Variants in SERHL2 observed in about 807,000 individuals in gnomAD.
SERHL2 encodes the protein serine hydrolase like 2.
A neutral mutation model predicts 25.5 loss-of-function variants in SERHL2; 29 were observed. The observed-to-expected ratio is 1.14, with a 90% CI of 0.85 to 1.55. The LOEUF (loss-of-function observed/expected upper bound fraction) is 1.55, where lower values mean the gene tolerates loss of function less well. Ranked by LOEUF, SERHL2 falls within the 40% of genes most tolerant of loss-of-function variation. The probability of loss-of-function intolerance (pLI) is 0.00; values close to 1 mark genes in which losing one functional copy is unlikely to be tolerated. For synonymous variants in SERHL2, 95 were observed against 103.5 expected, an observed-to-expected ratio of 0.92 and a Z score of 0.50; for missense variants, 240 against 252.3, an observed-to-expected ratio of 0.95 and a Z score of 0.33.
In SERHL2 at chr22:42,572,405, C is replaced by T. The variant is rs780217570; in HGVS notation, c.732-31C>T. The stretch of plus-strand genomic sequence containing the variant: ...CGCTGGGAGGCGGTTCTAAGATGAA[C>T]CCCAACAACCCCCAACTCCTCACTT... On this transcript the variant is annotated intron_variant, in intron 10 of 11. Coordinates refer to ENST00000327678, the MANE Select transcript of SERHL2 (RefSeq NM_014509.5). 16 of 1,552,444 alleles carry T rather than the reference C, an allele frequency of 1.0e-5. No homozygotes were observed. The East Asian group carries it at 3.2e-4, about 31-fold the overall frequency.
In SERHL2 at chr22:42,567,721, T is replaced by TTTATTATTATTATTATTATTATTA. The variant is rs553420266; in HGVS notation, c.648+1386_648+1409dup. 1.1e-4 allele frequency among the ~76,000 whole-genome samples: 14 copies of TTTATTATTATTATTATTATTATTA among 132,012 alleles called. 1 individual carries two copies. Among genetic ancestry groups the TTTATTATTATTATTATTATTATTA allele is most frequent in the African/African-American group, 3.3e-4 (13 of 39,992 alleles). The allele number at this position is 132,012 out of a possible 152,430, so 86.6% of individuals were successfully genotyped here. ...AATAAAAGTTCGATTTTTCTTTAATTTTATTATTATTATTATTATTATTAT... is the reference window on the plus strand; with the variant it reads ...AATAAAAGTTCGATTTTTCTTTAATTTTATTATTATTATTATTATTATTATTATTATTATTATTATTATTATTAT... On this transcript the variant is annotated intron_variant, in intron 9 of 11. Coordinates refer to ENST00000327678, the MANE Select transcript of SERHL2 (RefSeq NM_014509.5).
rs9620065 is a variant in SERHL2, at chr22:42,571,235, G to C, written c.731+32G>C. On this transcript the variant is annotated intron_variant, in intron 10 of 11. Transcript: ENST00000327678. Reference sequence around the variant, plus strand: ...CTGGACCCATCCCCTTCAGCCACCCGCCAAGGAGACATGGGCGCCAGGAAT... The same window carrying C: ...CTGGACCCATCCCCTTCAGCCACCCCCCAAGGAGACATGGGCGCCAGGAAT... 0.065 allele frequency: 99,368 copies of C among 1,539,640 alleles called. 14,634 individuals carry two copies. The East Asian group carries it at 0.68, about 11-fold the overall frequency.
intron 8 of SERHL2, chr22:42,564,973 T>C (rs62239719): frequency 0.02 from 2,840 of 141,780 alleles, 84 homozygotes; most frequent in African/African-American, 0.071. Context: ...CGCGCGTGTG[T>C]GTGTGTGTGT....
chr22:42,559,279 G>C (rs903928305), intron 7 of SERHL2, among the ~76,000 whole-genome samples: 1 of 142,596 alleles, frequency 7.0e-6, no homozygotes, highest in Admixed American at 7.0e-5. Flanking sequence ...GGTGGCACAC[G>C]CCTGTGGTCC....
chr22:42,565,420 G>A (rs1923243959), intron 8 of SERHL2: 1 of 151,662 alleles, frequency 6.6e-6, no homozygotes, highest in Admixed American at 6.6e-5. Context: ...CTGCCTCCCG[G>A]GTTTAAGCGA....
intron 8 of SERHL2, among the ~76,000 whole-genome samples, chr22:42,561,429 C>T (rs1922665131): frequency 6.7e-6 from 1 of 149,142 alleles, no homozygotes; most frequent in South Asian, 2.1e-4. Context: ...GGGCATGTGC[C>T]TTCCCTTTAT....
At chr22:42,563,125 G>C (rs556594869) in intron 8 of SERHL2, among the ~76,000 whole-genome samples, 1 of 151,860 alleles carries the variant, frequency 6.6e-6, no homozygotes, top group Non-Finnish European at 1.5e-5. Flanking sequence ...CTCAGGAGTC[G>C]GAGGCTGCAT....
chr22:42,560,403 C>G (rs1006739404), intron 8 of SERHL2, 138 bp downstream of exon 8: 2 of 671,654 alleles, frequency 3.0e-6, no homozygotes, highest in Non-Finnish European at 5.3e-6. Flanking sequence ...CTGCCTCACC[C>G]TCATCCCATT....
At chr22:42,565,288 T>TC (rs1423339185) in intron 8 of SERHL2, 1 of 150,730 alleles carries the variant, frequency 6.6e-6, no homozygotes, top group Non-Finnish European at 1.5e-5. Flanking sequence ...ACCCTGGCGA[T>TC]CAATGGGGTG....
At chr22:42,569,375 C>T (rs909090710) in intron 9 of SERHL2, 5 of 151,808 alleles carry the variant, frequency 3.3e-5, no homozygotes, top group Non-Finnish European at 7.4e-5. Flanking sequence ...TCTCCTGCCT[C>T]AGCCTCCTGA....
At chr22:42,565,797 T>C (rs1923297236) in intron 8 of SERHL2, among the ~76,000 whole-genome samples, 1 of 151,862 alleles carries the variant, frequency 6.6e-6, no homozygotes, top group African/African-American at 2.4e-5. Context: ...TCAGGTGGTT[T>C]AGGCCCCCCA....
intron 6 of SERHL2, among the ~76,000 whole-genome samples, chr22:42,556,837 G>A (rs1220178019): frequency 8.9e-6 from 1 of 112,842 alleles, no homozygotes; most frequent in Non-Finnish European, 1.7e-5. Flanking sequence ...TCTGCAGAAT[G>A]CCAGGCTGAT....
intron 8 of SERHL2, among the ~76,000 whole-genome samples, chr22:42,560,547 G>A (rs1197296018): frequency 2.0e-5 from 3 of 151,868 alleles, no homozygotes; most frequent in African/African-American, 4.8e-5. Context: ...TGAATGTCAC[G>A]GCCATGCTCT....
Position 42,561,038 on chromosome 22 carries a change from C to CCTGGAGTTGAG in SERHL2, c.613+774_613+784dup, listed in dbSNP as rs532048530. 1.4e-3 allele frequency among the ~76,000 whole-genome samples: 214 copies of CCTGGAGTTGAG among 152,042 alleles called. 4 individuals carry two copies. Among genetic ancestry groups the CCTGGAGTTGAG allele is most frequent in the South Asian group, 2.5e-3 (12 of 4,822 alleles). Reference sequence around the variant, plus strand: ...GGGCTGCTGTGCACAAATGGCGCCCCCTGGAGTTGAGTAAGGAAGAGTCTG... The same window carrying CCTGGAGTTGAG: ...GGGCTGCTGTGCACAAATGGCGCCCCCTGGAGTTGAGCTGGAGTTGAGTAAGGAAGAGTCTG... On this transcript the variant is annotated intron_variant, in intron 8 of 11. Transcript: ENST00000327678.
intron 8 of SERHL2, among the ~76,000 whole-genome samples, chr22:42,564,731 T>C (rs1923114313): frequency 6.6e-6 from 1 of 151,964 alleles, no homozygotes; most frequent in African/African-American, 2.4e-5. Flanking sequence ...GCACCCGGCC[T>C]GAGGATTTTC....
rs1433845919 is a variant in SERHL2, at chr22:42,573,954, G to C, written c.844G>C (p.Val282Leu). 9 of 1,459,596 alleles carry C rather than the reference G, an allele frequency of 6.2e-6. No homozygotes were observed. Among genetic ancestry groups the C allele is most frequent in the Non-Finnish European group, 8.6e-6 (9 of 1,048,234 alleles). 90.4% of individuals were successfully genotyped at this position (1,459,596 alleles called of 1,614,324 possible). A position where few individuals can be genotyped will look rare whatever the true frequency, so the allele number is the denominator to read the frequency against. The change falls in exon 12 of 12, where the codon GTC becomes CTC. Residue 282 changes from valine (V) to leucine (L), a missense_variant. Physicochemically the swap from Val to Leu is conservative, Grantham distance 32. Around this residue, in one of 4 missense-constraint regions of SERHL2, gnomAD observed 212 missense variants for 168.9 expected, o/e 1.25. Coordinates refer to ENST00000327678, the MANE Select transcript of SERHL2 (RefSeq NM_014509.5). ...TCTCCAGCAGTTCCAGTTTGTGGAA[G>C]TCCCAGGCAATCACTGTGTCCACAT... ...TLKEQFQFVE[V>L]PGNHCVHMSE...
chr22:42,572,518 A>C lies in SERHL2; in HGVS notation c.814A>C (p.Thr272Pro). ...LSFMIDTMKS[T>P]LKEQFQFVEV... ...GTTCATGATAGACACGATGAAATCC[A>C]CCCTCAAAGAGGTAAGACGGGGCTC... The change falls in exon 11 of 12, where the codon ACC (threonine) becomes CCC (proline). Residue 272 changes from threonine (T) to proline (P), a missense_variant. Around this residue, in one of 4 missense-constraint regions of SERHL2, gnomAD observed 212 missense variants for 168.9 expected, o/e 1.25. Coordinates refer to ENST00000327678, the MANE Select transcript of SERHL2 (RefSeq NM_014509.5). 3 of 1,612,002 alleles carry C rather than the reference A, an allele frequency of 1.9e-6. No individual in the cohort carries two copies. Among genetic ancestry groups the C allele is most frequent in the Non-Finnish European group, 2.5e-6 (3 of 1,178,444 alleles).
At chr22:42,571,829 C>A (rs1209218232) in intron 10 of SERHL2, 2 of 153,764 alleles carry the variant, frequency 1.3e-5, no homozygotes, top group Non-Finnish European at 1.4e-5. Context: ...CAGACACAAC[C>A]GTCTACGTGT....
At chr22:42,569,489 A>T (rs1161279828) in intron 9 of SERHL2, 1 of 151,798 alleles carries the variant, frequency 6.6e-6, no homozygotes. Flanking sequence ...CGAACTTCTG[A>T]CCTCAGGCGA....
Sources: allele counts gnomAD v4.1 joint callset (sites outside exome capture counted in the v4.1 genomes callset), GRCh38; gene constraint gnomAD v4.1.1; regional missense constraint gnomAD v4.1.1; transcripts MANE v1.5; gene names NCBI Gene and HGNC (gene_info 2026-07-23, HGNC 2026-07-21).